The following CPD variants were observed in gnomAD, a reference collection of about 807,000 sequenced individuals.
CPD encodes metallocarboxypeptidase D.
In CPD, 69 loss-of-function variants were observed where a neutral mutation model predicts 138.3. That is an observed-to-expected ratio of 0.50 (90% confidence interval 0.41 to 0.61). The LOEUF (loss-of-function observed/expected upper bound fraction) is 0.61. CPD is among the 20% of genes least tolerant of loss of function. The pLI is 0.00. For synonymous variants in CPD, 651 were observed against 642.1 expected (o/e 1.01, Z -0.21); for missense variants, 1,432 against 1,733.3 (o/e 0.83, Z 3.09).
chr17:30,445,604 T>A (rs906890908), intron 11 of CPD, 87 bp from the exon 12 acceptor site: 14 of 901,020 alleles, frequency 1.6e-5, no homozygotes, highest in Non-Finnish European at 1.3e-5. Flanking sequence ...ATCCCAAGGA[T>A]TCTTACGTTC....
In CPD at chr17:30,392,574, A is replaced by T. The variant is rs369148426; in HGVS notation, c.994+7338A>T. Among the ~76,000 whole-genome samples, 11 of 152,290 alleles carry T rather than the reference A, an allele frequency of 7.2e-5. No homozygotes were observed. In the East Asian group the frequency reaches 2.1e-3, roughly 29 times the overall value. On this transcript the variant is annotated intron_variant, in intron 2 of 20. Transcript: ENST00000225719. Reference sequence around the variant, plus strand: ...GGTATTATTTCTTTTAGTTTGTTCTATATCATTCTTTAAAAAATATGTCTG... The same window carrying T: ...GGTATTATTTCTTTTAGTTTGTTCTTTATCATTCTTTAAAAAATATGTCTG...
In CPD at chr17:30,405,832, C is replaced by T. The variant is rs985507792; in HGVS notation, c.995-15009C>T. 3.3e-5 allele frequency among the ~76,000 whole-genome samples: 5 copies of T among 151,852 alleles called. No homozygotes were observed. In the South Asian group the frequency reaches 1.0e-3, roughly 31 times the overall value. On this transcript the variant is annotated intron_variant, in intron 2 of 20. Transcript: ENST00000225719. Reference sequence around the variant, plus strand: ...AGTTTAACTTCTAAATCATTATGTCCAGTTGCAACAAAAAAATCTATGTTT... The same window carrying T: ...AGTTTAACTTCTAAATCATTATGTCTAGTTGCAACAAAAAAATCTATGTTT...
chr17:30,401,155 G>A (rs886540402), intron 2 of CPD, among the ~76,000 whole-genome samples: 3 of 151,898 alleles, frequency 2.0e-5, no homozygotes, highest in East Asian at 1.9e-4. Flanking sequence ...CCCTTTATAC[G>A]CACATCATTT....
Position 30,422,987 on chromosome 17 carries a change from A to G in CPD, c.1621A>G (p.Met541Val), listed in dbSNP as rs781497852. ...KSVESRELYV[M>V]EISDNPGVHE... ...AGTAGAGTCAAGAGAACTTTATGTG[A>G]TGGAGATATCTGATAATCCGGGTGT... The change falls in exon 5 of 21, where the codon ATG becomes GTG. Residue 541 changes from methionine to valine, a missense_variant. Around this residue, in one of 6 missense-constraint regions of CPD, gnomAD observed 297 missense variants for 405.3 expected, o/e 0.73. Transcript: ENST00000225719. 9.3e-6 allele frequency: 15 copies of G among 1,613,596 alleles called. No homozygotes were observed. In the East Asian group the frequency reaches 3.1e-4, roughly 34 times the overall value.
chr17:30,453,839 C>G (rs937299934), intron 14 of CPD, among the ~76,000 whole-genome samples: 3 of 152,220 alleles, frequency 2.0e-5, no homozygotes, highest in Non-Finnish European at 4.4e-5. Context: ...CACCCGCGGG[C>G]TCAATGCCAC....
chr17:30,436,287 T>C (rs1341600459), intron 8 of CPD, among the ~76,000 whole-genome samples: 3 of 152,150 alleles, frequency 2.0e-5, no homozygotes, highest in Non-Finnish European at 4.4e-5. Context: ...CACTCCAGCT[T>C]TGGTGACAGA....
chr17:30,412,626 G>T (rs1412304171), intron 2 of CPD, among the ~76,000 whole-genome samples: 1 of 152,230 alleles, frequency 6.6e-6, no homozygotes, highest in Non-Finnish European at 1.5e-5. Context: ...CTCGCAGGTT[G>T]ATCTCAGACT....
chr17:30,431,938 T>C, intron 8 of CPD, 57 bp downstream of exon 8: 1 of 1,202,018 alleles, frequency 8.3e-7, no homozygotes. Context: ...TTTAAAAATA[T>C]GCTTTAAAGT....
At position 30,462,377 on chromosome 17, in the gene CPD, T is replaced by C; in HGVS notation, c.3824T>C (p.Val1275Ala). 1 of 1,613,230 alleles carries C rather than the reference T, an allele frequency of 6.2e-7. No individual in the cohort carries two copies. The highest frequency in any genetic ancestry group is 1.3e-5 in the African/African-American group (1 of 75,026). ...GYQQQHSQVF[V>A]HHDAASSVVI... The stretch of plus-strand genomic sequence containing the variant: ...TACACTTTCTCCTTCTAGGTCTTTG[T>C]GCATCATGATGCAGCTAGTTCTGTG... The change falls in exon 20 of 21, where the codon GTG becomes GCG. Residue 1275 changes from valine (V) to alanine (A), a missense_variant. Around this residue, in one of 6 missense-constraint regions of CPD, gnomAD observed 366 missense variants for 518.8 expected, o/e 0.71. Transcript: ENST00000225719.
At chr17:30,403,121 A>C (rs1911719508) in intron 2 of CPD, among the ~76,000 whole-genome samples, 2 of 152,304 alleles carry the variant, frequency 1.3e-5, no homozygotes, top group South Asian at 4.1e-4. Context: ...AAATAAAATA[A>C]AATAAAAATA....
intron 17 of CPD, among the ~76,000 whole-genome samples, chr17:30,458,593 A>G (rs890395697): frequency 6.6e-6 from 1 of 151,986 alleles, no homozygotes; most frequent in Non-Finnish European, 1.5e-5. Context: ...TGGGCTTGGC[A>G]CGGTGGCTCA....
intron 2 of CPD, among the ~76,000 whole-genome samples, chr17:30,409,216 C>G (rs778148550): frequency 1.3e-5 from 2 of 152,122 alleles, no homozygotes; most frequent in Non-Finnish European, 1.5e-5. Flanking sequence ...CTGACTTGAT[C>G]GTGGTGGATA....
Position 30,445,677 on chromosome 17 carries a change from C to T in CPD, c.2544-14C>T. On this transcript the variant is annotated splice_polypyrimidine_tract_variant and intron_variant, in intron 11 of 20. Transcript: ENST00000225719. ...CTGCAGGAGTGTGGTTCTGATCTGT[C>T]TCCTTTATCATAGGTATAATCCAGT... 1 of 1,561,694 alleles carries T rather than the reference C, an allele frequency of 6.4e-7. No individual in the cohort carries two copies. The highest frequency in any genetic ancestry group is 8.7e-7 in the Non-Finnish European group (1 of 1,149,124).
intron 6 of CPD, among the ~76,000 whole-genome samples, chr17:30,426,926 A>G (rs1912427333): frequency 6.6e-6 from 1 of 152,138 alleles, no homozygotes; most frequent in East Asian, 1.9e-4. Flanking sequence ...CACTCCTGTA[A>G]TCCTAGCACT....
intron 2 of CPD, among the ~76,000 whole-genome samples, chr17:30,398,986 A>T (rs943227724): frequency 5.9e-5 from 9 of 151,978 alleles, no homozygotes; most frequent in African/African-American, 2.2e-4. Context: ...TACTCTTCAG[A>T]CATTTATGAG....
intron 2 of CPD, among the ~76,000 whole-genome samples, chr17:30,388,980 G>A (rs1300530700): frequency 6.6e-6 from 1 of 152,184 alleles, no homozygotes; most frequent in Non-Finnish European, 1.5e-5. Flanking sequence ...TGGGCGCAGT[G>A]GCTGCACTTC....
At chr17:30,412,541 G>A (rs1207819288) in intron 2 of CPD, among the ~76,000 whole-genome samples, 1 of 152,124 alleles carries the variant, frequency 6.6e-6, no homozygotes, top group Non-Finnish European at 1.5e-5. Flanking sequence ...TGCCTAGTTC[G>A]AGCTTCCCAG....
In CPD at chr17:30,431,976, A is replaced by G. The variant is rs964675880; in HGVS notation, c.2127+95A>G. On this transcript the variant is annotated intron_variant, in intron 8 of 20. Transcript: ENST00000225719. ...TGCAAGACTCAGGTCAAGTGCTTCC[A>G]TAGTTAATAAAGCATGACTTTTTCA... 4 of 795,642 alleles carry G rather than the reference A, an allele frequency of 5.0e-6. No homozygotes were observed. The Admixed American group carries it at 8.8e-5, about 18-fold the overall frequency. 49.3% of individuals were successfully genotyped at this position (795,642 alleles called of 1,614,324 possible). A position where few individuals can be genotyped will look rare whatever the true frequency, so the allele number is the denominator to read the frequency against.
chr17:30,387,112 TTTGTTG>T (rs532804638), intron 2 of CPD, among the ~76,000 whole-genome samples: 2 of 152,148 alleles, frequency 1.3e-5, no homozygotes, highest in African/African-American at 2.4e-5. Context: ...TAAAGAATTG[TTTGTTG>T]TTGTTGTTGT....
Sources: allele counts gnomAD v4.1 joint callset (sites outside exome capture counted in the v4.1 genomes callset), GRCh38; gene constraint gnomAD v4.1.1; regional missense constraint gnomAD v4.1.1; transcripts MANE v1.5; gene names NCBI Gene and HGNC (gene_info 2026-07-23, HGNC 2026-07-21).